CBFA2T2: variants seen among roughly 807,000 people sequenced by gnomAD.
CBFA2T2 encodes protein CBFA2T2.
A neutral mutation model predicts 62.2 loss-of-function variants in CBFA2T2; 11 were observed. That is an observed-to-expected ratio of 0.18 (90% confidence interval 0.11 to 0.29). CBFA2T2 has a LOEUF of 0.29. CBFA2T2 is among the 10% of genes least tolerant of loss of function. The probability of loss-of-function intolerance (pLI) is 1.00; values close to 1 mark genes in which losing one functional copy is unlikely to be tolerated. For missense variants in CBFA2T2, 592 were observed against 774.1 expected (o/e 0.76, Z 2.79); for synonymous variants, 295 against 287.5 (o/e 1.03, Z -0.27).
chr20:33,616,078 GAGATAGATAGATAGATAGAT>G (rs3054967), intron 3 of CBFA2T2, among the ~76,000 whole-genome samples: 3,294 of 143,278 alleles, frequency 0.023, 188 homozygotes, highest in Admixed American at 0.13. Flanking sequence ...TCTGTAGATA[GAGATAGATAGATAGATAGAT>G]AGATAGATAG....
In CBFA2T2 at chr20:33,611,133, G is replaced by A. The variant is rs1333055212; in HGVS notation, c.218G>A (p.Gly73Asp). Residue 73 changes from glycine (G) to aspartate (D), a missense_variant, in exon 3 of 11, where the codon GGT becomes GAT. Physicochemically the swap from Gly to Asp is moderately conservative, Grantham distance 94. Transcript: ENST00000342704. ...GINHSPPTLNGAPSPPQRFSN... is the reference protein window; with the variant it reads ...GINHSPPTLNDAPSPPQRFSN... ...AACCATTCTCCTCCTACCCTGAATG[G>A]TGCCCCATCACCGCCACAGAGATTC... 1.2e-5 allele frequency: 19 copies of A among 1,613,898 alleles called. No homozygotes were observed. Among genetic ancestry groups the A allele is most frequent in the Non-Finnish European group, 1.5e-5 (18 of 1,180,002 alleles).
chr20:33,550,697 G>A (rs768929674), intron 1 of CBFA2T2, among the ~76,000 whole-genome samples: 8 of 151,630 alleles, frequency 5.3e-5, no homozygotes, highest in Non-Finnish European at 1.2e-4. Flanking sequence ...CTGTTAGCTC[G>A]CTGCAACCTC....
At chr20:33,591,016 A>AT (rs1161594673) in intron 1 of CBFA2T2, among the ~76,000 whole-genome samples, 2 of 151,380 alleles carry the variant, frequency 1.3e-5, no homozygotes, top group East Asian at 1.9e-4. Context: ...CTCTACTAAA[A>AT]AGAAAATAAA....
At chr20:33,494,658 T>G (rs1036086104) in intron 1 of CBFA2T2, among the ~76,000 whole-genome samples, 1 of 151,458 alleles carries the variant, frequency 6.6e-6, no homozygotes. Context: ...TGGAGTGCAA[T>G]GGCGATCTTG....
At chr20:33,494,506 C>G (rs1234638506) in intron 1 of CBFA2T2, among the ~76,000 whole-genome samples, 7 of 150,876 alleles carry the variant, frequency 4.6e-5, no homozygotes, top group African/African-American at 1.7e-4. Context: ...TGGTCTCGAT[C>G]TGCTGACCTC....
chr20:33,561,798 T>C (rs929991010), intron 1 of CBFA2T2, among the ~76,000 whole-genome samples: 1 of 152,244 alleles, frequency 6.6e-6, no homozygotes, highest in Admixed American at 6.5e-5. Context: ...ATTTATAATC[T>C]TTACAGCATC....
intron 10 of CBFA2T2, among the ~76,000 whole-genome samples, chr20:33,643,926 G>T (rs150385310): frequency 1.3e-5 from 2 of 149,058 alleles, no homozygotes; most frequent in African/African-American, 5.0e-5. Context: ...TAGGATAAAT[G>T]TTCGTCTTAA....
At chr20:33,623,868 C>A in intron 5 of CBFA2T2, 1 of 716,436 alleles carries the variant, frequency 1.4e-6, no homozygotes, top group South Asian at 1.5e-5. Context: ...AGAAACTCTA[C>A]TCTAGAGAAT....
intron 1 of CBFA2T2, among the ~76,000 whole-genome samples, chr20:33,550,021 C>A (rs561887510): frequency 3.9e-5 from 6 of 152,170 alleles, no homozygotes; most frequent in Admixed American, 3.9e-4. Flanking sequence ...TCAATAAATA[C>A]CTGTCTTATA....
chr20:33,526,880 C>A (rs2011903680), intron 1 of CBFA2T2, among the ~76,000 whole-genome samples: 1 of 152,202 alleles, frequency 6.6e-6, no homozygotes, highest in Non-Finnish European at 1.5e-5. Flanking sequence ...CTCTTACTCA[C>A]CTGGCTTGCA....
At chr20:33,557,323 C>G (rs559564430) in intron 1 of CBFA2T2, among the ~76,000 whole-genome samples, 6 of 151,996 alleles carry the variant, frequency 3.9e-5, no homozygotes, top group African/African-American at 1.4e-4. Context: ...GTGTGCTTAT[C>G]TTTTACTTTC....
chr20:33,632,062 T>C (rs2016474188), intron 8 of CBFA2T2, among the ~76,000 whole-genome samples: 1 of 152,194 alleles, frequency 6.6e-6, no homozygotes, highest in Non-Finnish European at 1.5e-5. Context: ...TTTTGTTTGT[T>C]TGTTTTGAAA....
intron 1 of CBFA2T2, among the ~76,000 whole-genome samples, chr20:33,542,831 C>G (rs1020185422): frequency 3.3e-5 from 5 of 151,940 alleles, no homozygotes; most frequent in Non-Finnish European, 7.4e-5. Flanking sequence ...GCGGCCACAC[C>G]TGACTAATTT....
intron 1 of CBFA2T2, among the ~76,000 whole-genome samples, chr20:33,523,337 T>G (rs1345977577): frequency 1.3e-5 from 2 of 152,104 alleles, no homozygotes; most frequent in Admixed American, 6.6e-5. Context: ...TGGAGTGCAG[T>G]GGTGCAATCT....
At chr20:33,627,463 A>G (rs1281876011) in intron 6 of CBFA2T2, among the ~76,000 whole-genome samples, 2 of 152,114 alleles carry the variant, frequency 1.3e-5, no homozygotes, top group African/African-American at 4.8e-5. Context: ...TGGCTTGCTA[A>G]TTAATGGTTT....
chr20:33,617,993 TG>T (rs2015774966), intron 3 of CBFA2T2, among the ~76,000 whole-genome samples: 1 of 152,188 alleles, frequency 6.6e-6, no homozygotes, highest in African/African-American at 2.4e-5. Context: ...GTGTTATTTT[TG>T]TAAGTGGATT....
intron 1 of CBFA2T2, among the ~76,000 whole-genome samples, chr20:33,567,059 C>T (rs1684277969): frequency 1.3e-5 from 2 of 152,192 alleles, no homozygotes; most frequent in African/African-American, 2.4e-5. Flanking sequence ...GTGGTTGTAT[C>T]TTGCAGAAAA....
chr20:33,567,928 A>G (rs1185089769), intron 1 of CBFA2T2, among the ~76,000 whole-genome samples: 1 of 152,172 alleles, frequency 6.6e-6, no homozygotes. Context: ...AGGAGAAAAC[A>G]TAGTATATAT....
chr20:33,594,076 A>G (rs573198246), intron 1 of CBFA2T2, among the ~76,000 whole-genome samples: 1 of 152,224 alleles, frequency 6.6e-6, no homozygotes, highest in South Asian at 2.1e-4. Flanking sequence ...AGGGGTTAAA[A>G]GCAGAAGCAG....
Sources: gnomAD v4.1 joint callset for allele counts (sites outside exome capture counted in the v4.1 genomes callset) on GRCh38, gnomAD v4.1.1 for gene constraint, MANE v1.5 for transcripts, NCBI Gene and HGNC (gene_info 2026-07-23, HGNC 2026-07-21) for gene names.